UVRAG: variants seen among roughly 807,000 people sequenced by gnomAD.
UVRAG encodes UV radiation resistance-associated gene protein.
Under a neutral mutation model 78.0 loss-of-function variants are expected in UVRAG, and 19 were observed. That is an observed-to-expected ratio of 0.24 (90% CI 0.17 to 0.36). The LOEUF (loss-of-function observed/expected upper bound fraction) is 0.36, where lower values mean the gene tolerates loss of function less well. Among genes scored for constraint, UVRAG ranks in the 10% least tolerant of loss-of-function variants. The probability of loss-of-function intolerance (pLI) is 1.00; values close to 1 mark genes in which losing one functional copy is unlikely to be tolerated. For missense variants in UVRAG, 740 were observed against 853.8 expected, an observed-to-expected ratio of 0.87 and a Z score of 1.66; for synonymous variants, 323 against 324.6, an observed-to-expected ratio of 1.00 and a Z score of 0.05.
At chr11:76,088,628 G>A (rs1951637844) in intron 13 of UVRAG, among the ~76,000 whole-genome samples, 1 of 152,022 alleles carries the variant, frequency 6.6e-6, no homozygotes, top group South Asian at 2.1e-4. Flanking sequence ...GGCCCTTTAT[G>A]CCAGGAAAGC....
chr11:76,018,470 C>T (rs554099007), intron 12 of UVRAG, among the ~76,000 whole-genome samples: 8 of 152,004 alleles, frequency 5.3e-5, no homozygotes, highest in South Asian at 2.1e-4. Flanking sequence ...AGGGCAGTGG[C>T]GCAATCTCGG....
intron 7 of UVRAG, among the ~76,000 whole-genome samples, chr11:75,978,966 T>A (rs537203692): frequency 6.6e-6 from 1 of 152,324 alleles, no homozygotes; most frequent in East Asian, 1.9e-4. Flanking sequence ...TTTTTAGAAT[T>A]TTCAGCTTTT....
intron 6 of UVRAG, among the ~76,000 whole-genome samples, chr11:75,926,867 T>C (rs1948116759): frequency 6.6e-6 from 1 of 152,040 alleles, no homozygotes; most frequent in Non-Finnish European, 1.5e-5. Flanking sequence ...TGTAGTTAAT[T>C]TGGCAAACAA....
Position 75,815,464 on chromosome 11 carries a change from C to A in UVRAG, c.57C>A (p.Ala19=). Residue 19 remains alanine (A), a synonymous_variant, in exon 1 of 15, where the codon GCC becomes GCA. Coordinates refer to ENST00000356136, the MANE Select transcript of UVRAG (RefSeq NM_003369.4). ...TCCCCCAGCCACCCCCGGGCCCGGC[C>A]GCTGCTCTGCCTCCCGGTTCTGCCG... ...GPVPQPPPGP[A]AALPPGSAAR... is the part of the protein sequence containing the mutation. 1 of 1,247,402 alleles carries A rather than the reference C, an allele frequency of 8.0e-7. No individual in the cohort carries two copies. Among genetic ancestry groups the A allele is most frequent in the Non-Finnish European group, 1.0e-6 (1 of 995,302 alleles). The allele number at this position is 1,247,402 out of a possible 1,614,324, so 77.3% of individuals were successfully genotyped here.
intron 1 of UVRAG, among the ~76,000 whole-genome samples, chr11:75,850,064 TGA>T (rs1251664531): frequency 1.5e-5 from 2 of 132,078 alleles, no homozygotes; most frequent in African/African-American, 8.7e-5. Flanking sequence ...GCAATCAGTC[TGA>T]TTGGTTGCAG....
chr11:75,875,720 A>G (rs186480977), intron 3 of UVRAG, among the ~76,000 whole-genome samples: 50 of 151,082 alleles, frequency 3.3e-4, no homozygotes, highest in African/African-American at 1.0e-3. Context: ...AACTTTCCCT[A>G]CAGACATCTG....
At chr11:76,113,428 A>G (rs1228133359) in intron 13 of UVRAG, among the ~76,000 whole-genome samples, 1 of 152,172 alleles carries the variant, frequency 6.6e-6, no homozygotes, top group Non-Finnish European at 1.5e-5. Flanking sequence ...AGGGGAAGGG[A>G]GAATAAGAAA....
At chr11:76,090,182 G>A (rs1951670085) in intron 13 of UVRAG, among the ~76,000 whole-genome samples, 1 of 152,142 alleles carries the variant, frequency 6.6e-6, no homozygotes. Context: ...ACTGTGGAGT[G>A]GTTCTGCCAG....
At chr11:76,095,044 T>C (rs1269980513) in intron 13 of UVRAG, among the ~76,000 whole-genome samples, 1 of 152,174 alleles carries the variant, frequency 6.6e-6, no homozygotes, top group East Asian at 1.9e-4. Context: ...GTTCACTTAA[T>C]CACCTTGTTT....
intron 13 of UVRAG, among the ~76,000 whole-genome samples, chr11:76,098,140 T>C (rs1951819809): frequency 6.6e-6 from 1 of 152,144 alleles, no homozygotes; most frequent in Non-Finnish European, 1.5e-5. Flanking sequence ...ACATATAGTC[T>C]TAACTGAAAG....
chr11:75,842,401 G>T (rs1368283214), intron 1 of UVRAG, among the ~76,000 whole-genome samples: 1 of 150,024 alleles, frequency 6.7e-6, no homozygotes, highest in African/African-American at 2.4e-5. Flanking sequence ...TCATTGACTA[G>T]TTCCATTACT....
At chr11:76,121,058 A>G (rs1330317957) in intron 14 of UVRAG, among the ~76,000 whole-genome samples, 1 of 152,222 alleles carries the variant, frequency 6.6e-6, no homozygotes, top group African/African-American at 2.4e-5. Flanking sequence ...CATTCACTGA[A>G]TTCCTCCTTA....
intron 8 of UVRAG, 172 bp downstream of exon 8, chr11:75,983,685 T>C: frequency 1.1e-6 from 1 of 908,384 alleles, no homozygotes; most frequent in East Asian, 2.8e-5. Flanking sequence ...TGAGCTGCCA[T>C]CATAGAGTAT....
intron 13 of UVRAG, among the ~76,000 whole-genome samples, chr11:76,099,344 A>G (rs574285622): frequency 2.6e-5 from 4 of 152,092 alleles, no homozygotes; most frequent in African/African-American, 7.2e-5. Context: ...CCATTTTTTC[A>G]TCTGTAATAC....
chr11:76,030,288 C>T (rs1248883928), intron 12 of UVRAG, among the ~76,000 whole-genome samples: 1 of 152,100 alleles, frequency 6.6e-6, no homozygotes, highest in Non-Finnish European at 1.5e-5. Flanking sequence ...CTCTCTCACC[C>T]TCCCAAAATG....
At chr11:76,065,816 T>C in intron 13 of UVRAG, 28 bp downstream of exon 13, 1 of 1,602,720 alleles carries the variant, frequency 6.2e-7, no homozygotes. Context: ...ACTTCTCTCC[T>C]ACTTCCCATG....
chr11:76,066,538 T>C (rs1266223977), intron 13 of UVRAG, among the ~76,000 whole-genome samples: 2 of 152,164 alleles, frequency 1.3e-5, no homozygotes, highest in Non-Finnish European at 2.9e-5. Context: ...AATGGCGCGA[T>C]CTCGGCTCAC....
chr11:75,870,747 A>G (rs945253196), intron 3 of UVRAG, among the ~76,000 whole-genome samples: 4 of 152,210 alleles, frequency 2.6e-5, no homozygotes, highest in South Asian at 2.1e-4. Context: ...TTTAAAAAAA[A>G]TAGTTTAATT....
intron 8 of UVRAG, among the ~76,000 whole-genome samples, chr11:75,998,682 G>A (rs958533904): frequency 6.6e-6 from 1 of 152,172 alleles, no homozygotes; most frequent in Non-Finnish European, 1.5e-5. Flanking sequence ...AGAAGTTGGG[G>A]GCTGCTGTGT....
Sources: gnomAD v4.1 joint callset for allele counts (sites outside exome capture counted in the v4.1 genomes callset) on GRCh38, gnomAD v4.1.1 for gene constraint, MANE v1.5 for transcripts, NCBI Gene and HGNC (gene_info 2026-07-23, HGNC 2026-07-21) for gene names.